NECTIN3: variants seen among roughly 807,000 people sequenced by gnomAD.
The protein encoded by NECTIN3 is nectin cell adhesion molecule 3, also known as nectin-3.
NECTIN3 carries 8 observed loss-of-function variants against 49.4 expected under a neutral mutation model. That is an observed-to-expected ratio of 0.16 (90% CI 0.10 to 0.29). The LOEUF (loss-of-function observed/expected upper bound fraction) is 0.29, where lower values mean the gene tolerates loss of function less well. Among genes scored for constraint, NECTIN3 ranks in the 10% least tolerant of loss-of-function variants. The pLI, the probability that NECTIN3 is intolerant of heterozygous loss-of-function variation, is 1.00. For synonymous variants in NECTIN3, 277 were observed against 241.1 expected, an observed-to-expected ratio of 1.15 and a Z score of -1.38; for missense variants, 581 against 654.6, an observed-to-expected ratio of 0.89 and a Z score of 1.23.
At chr3:111,115,026 G>A (rs1410572256) in intron 2 of NECTIN3, among the ~76,000 whole-genome samples, 1 of 152,106 alleles carries the variant, frequency 6.6e-6, no homozygotes, top group Non-Finnish European at 1.5e-5. Context: ...CTTAACCCCA[G>A]TATTGTTGAA....
At chr3:111,149,015 C>G (rs2034942237) in intron 7 of NECTIN3, among the ~76,000 whole-genome samples, 1 of 152,112 alleles carries the variant, frequency 6.6e-6, no homozygotes, top group African/African-American at 2.4e-5. Flanking sequence ...TCATTTTAAT[C>G]TGAAACTTTA....
At position 111,134,183 on chromosome 3, in the gene NECTIN3, T is replaced by G; in HGVS notation, c.1618T>G (p.Ser540Ala). ...TGACTTAGTTTCACATGTAGATGGT[T>G]CCGTAATTTCCAGGAGGGAGTGGTA... ...EDDLVSHVDG[S>A]VISRREWYV is the part of the protein sequence containing the mutation. The change falls in exon 6 of 6, where the codon TCC (serine) becomes GCC (alanine). Residue 540 changes from serine (S) to alanine (A), a missense_variant. By Grantham distance (99) the Ser-to-Ala change is moderately conservative. Around this residue, in one of 3 missense-constraint regions of NECTIN3, gnomAD observed 238 missense variants for 244.9 expected, o/e 0.97. Transcript: ENST00000485303. The G allele has an allele frequency of 6.2e-7, 1 of 1,607,754 alleles. No homozygotes were observed. Among genetic ancestry groups the G allele is most frequent in the Non-Finnish European group, 8.5e-7 (1 of 1,177,352 alleles).
intron 1 of NECTIN3, among the ~76,000 whole-genome samples, chr3:111,086,011 C>G (rs2031901629): frequency 6.6e-6 from 1 of 152,144 alleles, no homozygotes; most frequent in South Asian, 2.1e-4. Context: ...CCATTCTGGT[C>G]AGCATGTAGT....
intron 1 of NECTIN3, among the ~76,000 whole-genome samples, chr3:111,076,236 A>G (rs2031188698): frequency 6.6e-6 from 1 of 152,136 alleles, no homozygotes; most frequent in African/African-American, 2.4e-5. Context: ...TTACTTGAAA[A>G]TTATTGAAGG....
In NECTIN3 at chr3:111,135,441, T is replaced by G. The variant is rs2034544675; in HGVS notation, c.*1226T>G. On this transcript the variant is annotated 3_prime_UTR_variant, in exon 6 of 6. Transcript: ENST00000485303. ...TATATTCCTTCTGAATCATTTATCTTTTGAGAAAGAAATGTTACCTAAACT... is the reference window on the plus strand; with the variant it reads ...TATATTCCTTCTGAATCATTTATCTGTTGAGAAAGAAATGTTACCTAAACT... 1.1e-6 allele frequency: 1 copy of G among 936,298 alleles called. No homozygotes were observed. Among genetic ancestry groups the G allele is most frequent in the South Asian group, 4.9e-5 (1 of 20,222 alleles). 58.0% of individuals were successfully genotyped at this position (936,298 alleles called of 1,614,324 possible).
At chr3:111,093,404 T>C (rs2032387132) in intron 1 of NECTIN3, among the ~76,000 whole-genome samples, 1 of 147,156 alleles carries the variant, frequency 6.8e-6, no homozygotes, top group Non-Finnish European at 1.5e-5. Context: ...TATTAATGTG[T>C]GTGGTTTTTT....
At chr3:111,120,353 A>T (rs191483815) in intron 3 of NECTIN3, among the ~76,000 whole-genome samples, 26 of 152,220 alleles carry the variant, frequency 1.7e-4, no homozygotes. Context: ...TAGAATAGTC[A>T]TGACATTTTT....
At chr3:111,072,334 G>A in intron 1 of NECTIN3, 157 bp downstream of exon 1, 1 of 1,439,258 alleles carries the variant, frequency 6.9e-7, no homozygotes, top group South Asian at 1.5e-5. Flanking sequence ...GCCGCGCCCG[G>A]GGCGAGGCCC....
intron 1 of NECTIN3, among the ~76,000 whole-genome samples, chr3:111,090,013 A>G (rs1483275784): frequency 6.6e-6 from 1 of 152,094 alleles, no homozygotes; most frequent in Non-Finnish European, 1.5e-5. Flanking sequence ...TATCTCTAGC[A>G]TTACTTCTTG....
chr3:111,193,186 G>C (rs1390850885), intron 1 of NECTIN3: 1 of 1,532,334 alleles, frequency 6.5e-7, no homozygotes, highest in African/African-American at 1.4e-5. Flanking sequence ...TGTAAGCAAT[G>C]TTTGAATTTT....
At chr3:111,168,785 A>T (rs1270797546) in intron 7 of NECTIN3, among the ~76,000 whole-genome samples, 1 of 152,216 alleles carries the variant, frequency 6.6e-6, no homozygotes, top group Non-Finnish European at 1.5e-5. Context: ...ACAATCGAGG[A>T]TAGGAGCATG....
intron 1 of NECTIN3, among the ~76,000 whole-genome samples, chr3:111,088,023 G>A (rs574896940): frequency 6.6e-6 from 1 of 152,156 alleles, no homozygotes; most frequent in Non-Finnish European, 1.5e-5. Flanking sequence ...TCAGCTTAGG[G>A]AGGTAATATA....
At chr3:111,145,945 A>G (rs1158233540) in intron 6 of NECTIN3, among the ~76,000 whole-genome samples, 2 of 152,186 alleles carry the variant, frequency 1.3e-5, no homozygotes, top group Non-Finnish European at 2.9e-5. Context: ...GTCATGATCA[A>G]ATTAGTACTA....
chr3:111,164,448 TG>T (rs1386639228), intron 7 of NECTIN3, among the ~76,000 whole-genome samples: 20 of 152,162 alleles, frequency 1.3e-4, no homozygotes, highest in Non-Finnish European at 2.4e-4. Flanking sequence ...GCAAATACTG[TG>T]ACTGAAATAT....
intron 5 of NECTIN3, among the ~76,000 whole-genome samples, chr3:111,142,863 G>A (rs1559806142): frequency 6.6e-6 from 1 of 151,822 alleles, no homozygotes; most frequent in South Asian, 2.1e-4. Context: ...ATTCTGTACA[G>A]TTGGGCAAAC....
intron 1 of NECTIN3, among the ~76,000 whole-genome samples, chr3:111,102,106 A>G (rs1000203369): frequency 6.6e-6 from 1 of 152,158 alleles, no homozygotes; most frequent in Non-Finnish European, 1.5e-5. Context: ...ATCATATGGA[A>G]AATAAATTAC....
intron 7 of NECTIN3, among the ~76,000 whole-genome samples, chr3:111,167,607 G>T (rs1378370653): frequency 6.6e-6 from 1 of 152,180 alleles, no homozygotes; most frequent in Non-Finnish European, 1.5e-5. Context: ...GGTTGATGAA[G>T]ATGGTGAAAA....
intron 7 of NECTIN3, among the ~76,000 whole-genome samples, chr3:111,170,737 A>C (rs1227502720): frequency 1.3e-5 from 2 of 152,154 alleles, no homozygotes; most frequent in Non-Finnish European, 2.9e-5. Context: ...GAGGTAGTGG[A>C]GGATGAAGCA....
chr3:111,098,349 T>G (rs1035534166), intron 1 of NECTIN3, among the ~76,000 whole-genome samples: 1 of 152,238 alleles, frequency 6.6e-6, no homozygotes, highest in African/African-American at 2.4e-5. Flanking sequence ...CACACAGTTC[T>G]GGAGCGCAGA....
Sources: gnomAD v4.1 joint callset for allele counts (sites outside exome capture counted in the v4.1 genomes callset) on GRCh38, gnomAD v4.1.1 for gene constraint, gnomAD v4.1.1 regional missense constraint, MANE v1.5 for transcripts, NCBI Gene and HGNC (gene_info 2026-07-23, HGNC 2026-07-21) for gene names.